The following PSG9 variants were observed in gnomAD, a reference collection of about 807,000 sequenced individuals.
PSG9 encodes the protein pregnancy-specific beta-1-glycoprotein 9.
A neutral mutation model predicts 41.9 loss-of-function variants in PSG9; 49 were observed. The ratio of observed to expected loss-of-function variants is 1.17; its 90% CI spans 0.93 to 1.48. The LOEUF (loss-of-function observed/expected upper bound fraction) is 1.48, where lower values mean the gene tolerates loss of function less well. Ranked by LOEUF, PSG9 falls within the 40% of genes most tolerant of loss-of-function variation. The pLI is 0.00. For synonymous variants in PSG9, 263 were observed against 196.8 expected (o/e 1.34, Z -2.82); for missense variants, 641 against 520.3 (o/e 1.23, Z -2.26).
intron 4 of PSG9, among the ~76,000 whole-genome samples, 167 bp downstream of exon 4, chr19:43,258,690 A>G (rs1227162413): frequency 6.9e-6 from 1 of 145,976 alleles, no homozygotes; most frequent in Non-Finnish European, 1.5e-5. Flanking sequence ...ATTCTTGGTT[A>G]AGGCTGTGCC....
rs1330266058 is a variant in PSG9 at position 43,265,396 on chromosome 19, T to G, written c.430+2388A>C. ...ATTGGTCTTTTGAGATGTTTCTCATTCTTTTGCATTCTGGCAACCGGCTGA... is the reference window on the plus strand; with the variant it reads ...ATTGGTCTTTTGAGATGTTTCTCATGCTTTTGCATTCTGGCAACCGGCTGA... On this transcript the variant is annotated intron_variant, in intron 2 of 5. Transcript: ENST00000270077. 2.0e-5 allele frequency among the ~76,000 whole-genome samples: 3 copies of G among 152,178 alleles called. No homozygotes were observed. The East Asian group carries it at 5.8e-4, about 29-fold the overall frequency.
At chr19:43,269,248 C>T in intron 1 of PSG9, 120 bp downstream of exon 1, 1 of 1,531,846 alleles carries the variant, frequency 6.5e-7, no homozygotes, top group South Asian at 1.1e-5. Context: ...TCGTGATCCA[C>T]CCACCTCAGC....
Position 43,267,919 on chromosome 19 carries a change from CT to C in PSG9, c.294del (p.Glu99LysfsTer10). 6.2e-7 allele frequency: 1 copy of C among 1,613,820 alleles called. No homozygotes were observed. Among genetic ancestry groups the C allele is most frequent in the Non-Finnish European group, 8.5e-7 (1 of 1,179,782 alleles). ...AGGGATGCGTTGGAATATACTGTTT[CT>C]CTTCCACTGTATGCAGGCCCATATA... ...IIIYGPAYSG[R>X]ETVYSNASLL... On this transcript the variant is annotated frameshift_variant, in exon 2 of 6. Transcript: ENST00000270077. LOFTEE classifies it high-confidence loss of function.
rs183594481 is a variant in PSG9 at position 43,257,483 on chromosome 19, C to T, written c.1243+719G>A. 6.0e-5 allele frequency: 59 copies of T among 977,266 alleles called. No homozygotes were observed. The Admixed American group carries it at 8.8e-4, about 15-fold the overall frequency. 60.5% of individuals were successfully genotyped at this position (977,266 alleles called of 1,614,324 possible). On this transcript the variant is annotated intron_variant, in intron 5 of 5. Transcript: ENST00000270077. ...TCACTGTCCTCCGTGCTGTGTCCCACGTGCTGTGCCCAAAGCCTCATACAG... is the reference window on the plus strand; with the variant it reads ...TCACTGTCCTCCGTGCTGTGTCCCATGTGCTGTGCCCAAAGCCTCATACAG...
chr19:43,259,135 G>A lies in PSG9; in HGVS notation c.710C>T (p.Pro237Leu), dbSNP rs368284505. ...RSDPVTLNLLPKLPIPYITIN... is the reference protein window; with the variant it reads ...RSDPVTLNLLLKLPIPYITIN... ...GGTGATGTAGGGGATGGGCAGCTTCGCTGTGTGGATAACAGAGAGAAGATT... is the reference window on the plus strand; with the variant it reads ...GGTGATGTAGGGGATGGGCAGCTTCACTGTGTGGATAACAGAGAGAAGATT... Residue 237 changes from proline to leucine, a missense_variant and splice_region_variant, in exon 4 of 6, where the codon CCG becomes CTG. By Grantham distance (98) the Pro-to-Leu change is moderately conservative. Coordinates refer to ENST00000270077, the MANE Select transcript of PSG9 (RefSeq NM_002784.5). The A allele has an allele frequency of 3.3e-5, 53 of 1,589,964 alleles. 7 individuals carry two copies. Among genetic ancestry groups the A allele is most frequent in the South Asian group, 2.0e-4 (18 of 89,798 alleles).
rs1968742823 is a variant in PSG9 at position 43,262,014 on chromosome 19, C to G, written c.555G>C (p.Gln185His). 1 of 1,614,012 alleles carries G rather than the reference C, an allele frequency of 6.2e-7. No homozygotes were observed. The highest frequency in any genetic ancestry group is 8.5e-7 in the Non-Finnish European group (1 of 1,179,910). ...GCAACCTGTGAGTCACAGGGAGGCT[C>G]TGACCATTCATCCACCATAGGTAGC... ...DASYLWWMNG[Q>H]SLPVTHRLQL... is the part of the protein sequence containing the mutation. Residue 185 changes from glutamine to histidine, a missense_variant, in exon 3 of 6, where the codon CAG becomes CAC. Gln to His is a conservative substitution (Grantham distance 24). Coordinates refer to ENST00000270077, the MANE Select transcript of PSG9 (RefSeq NM_002784.5).
At chr19:43,257,767 C>T (rs1168868262) in intron 5 of PSG9, 1 of 1,261,752 alleles carries the variant, frequency 7.9e-7, no homozygotes, top group Non-Finnish European at 9.9e-7. Flanking sequence ...ACCCAAGGGG[C>T]TTCCTCCTCT....
At chr19:43,257,672 C>G in intron 5 of PSG9, 5 of 1,075,008 alleles carry the variant, frequency 4.7e-6, no homozygotes, top group Non-Finnish European at 5.6e-6. Flanking sequence ...ACACGCTAGT[C>G]CCACCCCAGG....
At position 43,258,943 on chromosome 19, in the gene PSG9, G is replaced by C. The variant is rs763725768; in HGVS notation, c.902C>G (p.Thr301Arg). The C allele has an allele frequency of 4.4e-6, 7 of 1,589,970 alleles. No homozygotes were observed. Among genetic ancestry groups the C allele is most frequent in the South Asian group, 1.1e-5 (1 of 89,856 alleles). Residue 301 changes from threonine to arginine, a missense_variant, in exon 4 of 6, where the codon ACG becomes AGG. Coordinates refer to ENST00000270077, the MANE Select transcript of PSG9 (RefSeq NM_002784.5). Reference sequence around the variant, plus strand: ...TTGATAGGGTCCTGTTTCATTTCTCGTGACACTGGGTAGAATGAGTATCCT... The same window carrying C: ...TTGATAGGGTCCTGTTTCATTTCTCCTGACACTGGGTAGAATGAGTATCCT... ...ENRILILPSV[T>R]RNETGPYQCE...
At position 43,267,945 on chromosome 19, in the gene PSG9, A is replaced by T; in HGVS notation, c.269T>A (p.Ile90Lys). Reference sequence around the variant, plus strand: ...TCTTCCACTGTATGCAGGCCCATATATAATTATTTTACCATCAACTATATA... The same window carrying T: ...TCTTCCACTGTATGCAGGCCCATATTTAATTATTTTACCATCAACTATATA... ...ISYIVDGKII[I>K]YGPAYSGRET... is the part of the protein sequence containing the mutation. Residue 90 changes from isoleucine (I) to lysine (K), a missense_variant, in exon 2 of 6, where the codon ATA (isoleucine) becomes AAA (lysine). Physicochemically the swap from Ile to Lys is moderately radical, Grantham distance 102 (BLOSUM62 -3). Coordinates refer to ENST00000270077, the MANE Select transcript of PSG9 (RefSeq NM_002784.5). 6.2e-7 allele frequency: 1 copy of T among 1,613,612 alleles called. No individual in the cohort carries two copies. The highest frequency in any genetic ancestry group is 8.5e-7 in the Non-Finnish European group (1 of 1,179,720).
chr19:43,257,395 G>C, intron 5 of PSG9: 1 of 976,172 alleles, frequency 1.0e-6, no homozygotes, highest in Non-Finnish European at 1.2e-6. Flanking sequence ...TTTTGGCACT[G>C]CCCCTTTCCT....
Position 43,259,038 on chromosome 19 carries a change from G to A in PSG9, c.807C>T (p.Tyr269=), listed in dbSNP as rs4028444. 0.023 allele frequency: 37,026 copies of A among 1,590,798 alleles called. 2,971 individuals are homozygous for A. The highest frequency in any genetic ancestry group is 0.034 in the South Asian group (3,071 of 89,848). The change falls in exon 4 of 6, where the codon TAC becomes TAT. Residue 269 remains tyrosine (Y), a synonymous_variant. Coordinates refer to ENST00000270077, the MANE Select transcript of PSG9 (RefSeq NM_002784.5). ...AFTCEPKSEN[Y]TYIWWLNGQS... ...GACCGTTTAGCCACCAAATGTAGGT[G>A]TAGTTCTCACTCTTAGGTTCACAGG... is the stretch of plus-strand genomic sequence containing the variant.
intron 5 of PSG9, among the ~76,000 whole-genome samples, chr19:43,254,697 C>T (rs1425129810): frequency 1.4e-5 from 2 of 145,578 alleles, no homozygotes. Flanking sequence ...ATTAATGAAA[C>T]CAAAAGTTGA....
chr19:43,264,973 C>G (rs983057198), intron 2 of PSG9, among the ~76,000 whole-genome samples: 14 of 152,124 alleles, frequency 9.2e-5, no homozygotes, highest in South Asian at 2.1e-4. Context: ...GCAGGCCTCT[C>G]CAGCCTCTGA....
intron 2 of PSG9, 124 bp from the exon 3 acceptor site, chr19:43,262,262 G>A (rs1207600286): frequency 2.0e-6 from 3 of 1,502,564 alleles, no homozygotes; most frequent in African/African-American, 1.4e-5. Flanking sequence ...GCCCATGGCA[G>A]GTGTGTGTGT....
intron 5 of PSG9, among the ~76,000 whole-genome samples, chr19:43,254,420 A>G (rs978585954): frequency 1.4e-5 from 2 of 146,084 alleles, no homozygotes; most frequent in Non-Finnish European, 3.0e-5. Flanking sequence ...ACTGCATTAA[A>G]CCTTTAAAAC....
chr19:43,253,802 C>T (rs1968352050), intron 5 of PSG9, among the ~76,000 whole-genome samples, 156 bp from the exon 6 acceptor site: 1 of 146,488 alleles, frequency 6.8e-6, no homozygotes. Context: ...GGAGGATTCC[C>T]CATCAGCCTT....
chr19:43,268,241 C>T lies in PSG9; in HGVS notation c.65-92G>A, dbSNP rs1367247096. On this transcript the variant is annotated intron_variant, in intron 1 of 5. Coordinates refer to ENST00000270077, the MANE Select transcript of PSG9 (RefSeq NM_002784.5). ...GGGTCCTGAGAAGGTCTCTTCCATC[C>T]TCAGCCTTGAAGATACACACACGCA... 3.5e-6 allele frequency: 5 copies of T among 1,447,762 alleles called. No individual in the cohort carries two copies. In the East Asian group the frequency reaches 9.1e-5, roughly 26 times the overall value. The allele number at this position is 1,447,762 out of a possible 1,614,324, so 89.7% of individuals were successfully genotyped here. A position where few individuals can be genotyped will look rare whatever the true frequency, so the allele number is the denominator to read the frequency against.
chr19:43,266,545 G>A (rs1457728523), intron 2 of PSG9, among the ~76,000 whole-genome samples: 2 of 152,004 alleles, frequency 1.3e-5, no homozygotes, highest in Non-Finnish European at 2.9e-5. Context: ...GGAAACACAG[G>A]ATTTCACGTT....
Sources: allele counts gnomAD v4.1 joint callset (sites outside exome capture counted in the v4.1 genomes callset), GRCh38; gene constraint gnomAD v4.1.1; transcripts MANE v1.5; gene names NCBI Gene and HGNC (gene_info 2026-07-23, HGNC 2026-07-21).